TAF1B: variants seen among roughly 807,000 people sequenced by gnomAD.
The protein encoded by TAF1B is TATA box-binding protein-associated factor RNA polymerase I subunit B.
A neutral mutation model predicts 83.9 loss-of-function variants in TAF1B; 61 were observed. The ratio of observed to expected loss-of-function variants is 0.73; its 90% confidence interval spans 0.59 to 0.90. TAF1B has a LOEUF of 0.90. Among genes scored for constraint, TAF1B ranks in the 40% least tolerant of loss-of-function variants. TAF1B has a pLI of 0.00. For synonymous variants in TAF1B, 221 were observed against 224.6 expected (o/e 0.98, Z 0.14); for missense variants, 625 against 677.0 (o/e 0.92, Z 0.85).
intron 14 of TAF1B, among the ~76,000 whole-genome samples, chr2:9,921,352 A>G (rs962408160): frequency 2.0e-4 from 31 of 152,196 alleles, no homozygotes; most frequent in African/African-American, 6.5e-4. Flanking sequence ...CCAGCCTCCC[A>G]AAGTGCTGGG....
chr2:9,853,793 T>C (rs1663474653), intron 4 of TAF1B, among the ~76,000 whole-genome samples: 2 of 152,198 alleles, frequency 1.3e-5, no homozygotes, highest in African/African-American at 4.8e-5. Context: ...CACTATCACT[T>C]GGGACTGGTT....
intron 3 of TAF1B, among the ~76,000 whole-genome samples, chr2:9,850,114 G>A (rs1663339250): frequency 6.6e-6 from 1 of 151,970 alleles, no homozygotes; most frequent in Admixed American, 6.6e-5. Context: ...CTGCCTAGGT[G>A]CTGTCTCATG....
At chr2:9,881,619 T>C (rs1028336785) in intron 7 of TAF1B, among the ~76,000 whole-genome samples, 1 of 152,220 alleles carries the variant, frequency 6.6e-6, no homozygotes, top group Admixed American at 6.5e-5. Context: ...ATCTTTCTTT[T>C]CTCACTAGAA....
At chr2:9,895,627 C>T (rs1278038255) in intron 8 of TAF1B, among the ~76,000 whole-genome samples, 1 of 152,030 alleles carries the variant, frequency 6.6e-6, no homozygotes, top group Non-Finnish European at 1.5e-5. Context: ...TCATTTTATT[C>T]TTTTTCCATA....
At chr2:9,892,390 CTG>C in intron 8 of TAF1B, among the ~76,000 whole-genome samples, 1 of 152,326 alleles carries the variant, frequency 6.6e-6, no homozygotes, top group East Asian at 1.9e-4. Context: ...TTATTATTGA[CTG>C]TAGTCACTCT....
intron 6 of TAF1B, among the ~76,000 whole-genome samples, chr2:9,869,519 G>A (rs367781103): frequency 1.3e-4 from 20 of 151,464 alleles, no homozygotes; most frequent in Admixed American, 4.6e-4. Flanking sequence ...CACCGTGCCC[G>A]GCCTGCTTAT....
At chr2:9,849,246 A>G in intron 2 of TAF1B, 127 bp from the exon 3 acceptor site, 3 of 636,428 alleles carry the variant, frequency 4.7e-6, no homozygotes, top group Non-Finnish European at 7.9e-6. Context: ...TAATTTTCCC[A>G]AGATTTTACC....
At chr2:9,920,072 T>A (rs1252647578) in intron 14 of TAF1B, among the ~76,000 whole-genome samples, 1 of 152,220 alleles carries the variant, frequency 6.6e-6, no homozygotes, top group African/African-American at 2.4e-5. Flanking sequence ...GAAGTGGCTG[T>A]AAATGCTGAT....
intron 6 of TAF1B, 112 bp from the exon 7 acceptor site, chr2:9,875,753 A>T: frequency 8.6e-7 from 1 of 1,167,048 alleles, no homozygotes; most frequent in Non-Finnish European, 1.2e-6. Context: ...TTGGGTGAGG[A>T]CACAGCCAAA....
chr2:9,845,341 GA>G (rs1663171038), intron 2 of TAF1B, 23 bp downstream of exon 2: 1 of 1,594,938 alleles, frequency 6.3e-7, no homozygotes, highest in Admixed American at 1.7e-5. Context: ...TATCATTTAT[GA>G]ATTTGCTTAT....
chr2:9,897,593 A>G (rs762234360), intron 8 of TAF1B, among the ~76,000 whole-genome samples: 11 of 152,222 alleles, frequency 7.2e-5, no homozygotes, highest in African/African-American at 1.7e-4. Context: ...CTTAGCCAGG[A>G]TGATTCATTT....
At chr2:9,858,679 C>T (rs1187727684) in intron 5 of TAF1B, among the ~76,000 whole-genome samples, 1 of 152,240 alleles carries the variant, frequency 6.6e-6, no homozygotes, top group Non-Finnish European at 1.5e-5. Context: ...CCCTTGTCTT[C>T]TATGCACCCA....
intron 14 of TAF1B, among the ~76,000 whole-genome samples, chr2:9,924,758 A>G (rs1665985474): frequency 6.6e-6 from 1 of 152,256 alleles, no homozygotes; most frequent in Non-Finnish European, 1.5e-5. Context: ...GTTAGGCAGA[A>G]GGACTCATTT....
chr2:9,864,956 A>G (rs1166020375), intron 5 of TAF1B, among the ~76,000 whole-genome samples: 2 of 152,238 alleles, frequency 1.3e-5, no homozygotes, highest in Non-Finnish European at 1.5e-5. Context: ...AATAAGAGCT[A>G]TCTATGACAA....
At chr2:9,859,188 G>C (rs560857442) in intron 5 of TAF1B, among the ~76,000 whole-genome samples, 5 of 22,138 alleles carry the variant, frequency 2.3e-4, no homozygotes, top group Non-Finnish European at 6.3e-4. Flanking sequence ...ATGCTTTGCT[G>C]CTTAGAATTT....
intron 1 of TAF1B, 135 bp downstream of exon 1, chr2:9,843,694 A>C: frequency 9.6e-7 from 1 of 1,046,240 alleles, no homozygotes; most frequent in Non-Finnish European, 1.3e-6. Flanking sequence ...GGAGGGCTGC[A>C]GGGCGGGCTA....
intron 14 of TAF1B, among the ~76,000 whole-genome samples, chr2:9,931,157 G>A: frequency 6.6e-6 from 1 of 151,858 alleles, no homozygotes; most frequent in Non-Finnish European, 1.5e-5. Context: ...GGGGCATTTA[G>A]CCCATTTACA....
Position 9,929,142 on chromosome 2 carries a change from T to TTTGTTGTTGTTGTTGTTGTTG in TAF1B, c.1566-4629_1566-4609dup, listed in dbSNP as rs70948857. Among the ~76,000 whole-genome samples the TTTGTTGTTGTTGTTGTTGTTG allele has an allele frequency of 1.7e-3, 261 of 151,024 alleles. 2 individuals are homozygous for TTTGTTGTTGTTGTTGTTGTTG. Among genetic ancestry groups the TTTGTTGTTGTTGTTGTTGTTG allele is most frequent in the Middle Eastern group, 3.4e-3 (1 of 292 alleles). ...TCAGGTGGTTTTGTCATTGGTTCTG[T>TTTGTTGTTGTTGTTGTTGTTG]TTGTTGTTGTTGTTGTTGTTGTTGT... On this transcript the variant is annotated intron_variant, in intron 14 of 14. Transcript: ENST00000263663.
At chr2:9,871,950 A>G (rs1293591054) in intron 6 of TAF1B, among the ~76,000 whole-genome samples, 1 of 151,924 alleles carries the variant, frequency 6.6e-6, no homozygotes, top group Non-Finnish European at 1.5e-5. Flanking sequence ...TATTCTAGAG[A>G]CCCTTCTCTC....
Sources: allele counts gnomAD v4.1 joint callset (sites outside exome capture counted in the v4.1 genomes callset), GRCh38; gene constraint gnomAD v4.1.1; transcripts MANE v1.5; gene names NCBI Gene and HGNC (gene_info 2026-07-23, HGNC 2026-07-21).